Variants in MROH1 observed in about 807,000 individuals in gnomAD.
MROH1 encodes maestro heat like repeat family member 1, also known as maestro heat-like repeat-containing protein family member 1.
Under a neutral mutation model 116.5 loss-of-function variants are expected in MROH1, and 117 were observed. The observed-to-expected ratio is 1.00, with a 90% CI of 0.86 to 1.17. The LOEUF is 1.17. MROH1 is among the 50% of genes most tolerant of loss of function. MROH1 has a pLI of 0.00. For missense variants in MROH1, 1,873 were observed against 1,338.5 expected, an observed-to-expected ratio of 1.40 and a Z score of -6.23; for synonymous variants, 921 against 583.9, an observed-to-expected ratio of 1.58 and a Z score of -8.32.
In MROH1 at chr8:144,241,045, G is replaced by A. The variant is rs1484386774; in HGVS notation, c.1989G>A (p.Glu663=). The change falls in exon 21 of 44, where the codon GAG becomes GAA. Residue 663 remains glutamate, a synonymous_variant. Coordinates refer to ENST00000326134, the MANE Select transcript of MROH1 (RefSeq NM_032450.3). ...CCCTGGGTGCTGCTTCAAGTAAGGAGGTGGTGAGGAAGCACCTTCAAGAGC... is the reference window on the plus strand; with the variant it reads ...CCCTGGGTGCTGCTTCAAGTAAGGAAGTGGTGAGGAAGCACCTTCAAGAGC... The part of the protein sequence containing the change: ...GTTLGAASSK[E]VVRKHLQELL... The A allele has an allele frequency of 1.3e-6, 1 of 776,262 alleles. No individual in the cohort carries two copies. The highest frequency in any genetic ancestry group is 2.4e-6 in the Non-Finnish European group (1 of 416,086). 48.1% of individuals were successfully genotyped at this position (776,262 alleles called of 1,614,324 possible). A position where few individuals can be genotyped will look rare whatever the true frequency, so the allele number is the denominator to read the frequency against.
intron 14 of MROH1, among the ~76,000 whole-genome samples, chr8:144,231,864 C>T (rs1838953604): frequency 6.6e-6 from 1 of 152,192 alleles, no homozygotes; most frequent in Admixed American, 6.5e-5. Flanking sequence ...AGTGAAACAA[C>T]GTCACGCCCG....
chr8:144,207,058 T>TA (rs895016687), intron 12 of MROH1, among the ~76,000 whole-genome samples: 24 of 146,436 alleles, frequency 1.6e-4, no homozygotes, highest in South Asian at 2.2e-4. Flanking sequence ...AAAAGAAATT[T>TA]AAAAAAAAAA....
In MROH1 at chr8:144,200,211, G is replaced by A. The variant is rs185454125; in HGVS notation, c.1028-217G>A. Among the ~76,000 whole-genome samples, 9 of 152,284 alleles carry A rather than the reference G, an allele frequency of 5.9e-5. No individual in the cohort carries two copies. The East Asian group carries it at 1.4e-3, about 23-fold the overall frequency. On this transcript the variant is annotated intron_variant, in intron 11 of 43. Coordinates refer to ENST00000326134, the MANE Select transcript of MROH1 (RefSeq NM_032450.3). ...CCAAGATCTAAGTCCCGGCATGCTC[G>A]GGTGGTGCTGGCGCCGTGGGATAAG...
chr8:144,180,120 T>C lies in MROH1; in HGVS notation c.301-58T>C, dbSNP rs1825196666. Reference sequence around the variant, plus strand: ...GCGCTTGTCCAAGGCTGGCAGCGACTGAGGGCAGAATGTCTTGGTCTTGCC... The same window carrying C: ...GCGCTTGTCCAAGGCTGGCAGCGACCGAGGGCAGAATGTCTTGGTCTTGCC... On this transcript the variant is annotated intron_variant, in intron 5 of 43. Coordinates refer to ENST00000326134, the MANE Select transcript of MROH1 (RefSeq NM_032450.3). The surrounding 1 kb of genome is among the most constrained non-coding windows in gnomAD (Gnocchi z 7.4). 6.3e-7 allele frequency: 1 copy of C among 1,599,942 alleles called. No individual in the cohort carries two copies. The highest frequency in any genetic ancestry group is 1.7e-5 in the Admixed American group (1 of 59,380).
At chr8:144,238,538 C>A (rs1208643065) in intron 14 of MROH1, among the ~76,000 whole-genome samples, 1 of 152,228 alleles carries the variant, frequency 6.6e-6, no homozygotes, top group Non-Finnish European at 1.5e-5. Context: ...AGCAAATGCT[C>A]AAGGTTTTGT....
chr8:144,151,077 G>A (rs1209462764), intron 1 of MROH1, among the ~76,000 whole-genome samples: 7 of 151,650 alleles, frequency 4.6e-5, no homozygotes, highest in Non-Finnish European at 1.0e-4. Flanking sequence ...GTGAAACCCC[G>A]TCTCCACTAA....
At chr8:144,159,603 A>G (rs950149287) in intron 1 of MROH1, among the ~76,000 whole-genome samples, 3 of 152,160 alleles carry the variant, frequency 2.0e-5, no homozygotes, top group African/African-American at 4.8e-5. Context: ...TAGTGTTAAC[A>G]TATTTAATCT....
chr8:144,244,530 C>G lies in MROH1; in HGVS notation c.2757C>G (p.Ile919Met). ...QRNMTPQGLQIMIEHLSPWIK... is the reference protein window; with the variant it reads ...QRNMTPQGLQMMIEHLSPWIK... ...ACATGACCCCCCAAGGCCTGCAGAT[C>G]ATGATTGAGGTGTGCAGGGGGGAAC... The change falls in exon 28 of 44, where the codon ATC (isoleucine) becomes ATG (methionine). Residue 919 changes from isoleucine to methionine, a missense_variant. Coordinates refer to ENST00000326134, the MANE Select transcript of MROH1 (RefSeq NM_032450.3). The G allele has an allele frequency of 1.3e-6, 1 of 765,316 alleles. No individual in the cohort carries two copies. The highest frequency in any genetic ancestry group is 1.4e-5 in the South Asian group (1 of 71,710). 47.4% of individuals were successfully genotyped at this position (765,316 alleles called of 1,614,324 possible).
At chr8:144,223,376 TTAATAGAGACAGGG>T in intron 14 of MROH1, 146 bp downstream of exon 14, 9 of 1,096,868 alleles carry the variant, frequency 8.2e-6, no homozygotes, top group Non-Finnish European at 1.2e-5. Flanking sequence ...TGTCTTTTGT[TTAATAGAGACAGGG>T]TCTTGCTTCT....
intron 33 of MROH1, chr8:144,252,578 G>A (rs1843010030): frequency 6.6e-6 from 1 of 152,012 alleles, no homozygotes; most frequent in African/African-American, 2.4e-5. Context: ...TGAGGCAGGA[G>A]AATGGTGTGA....
chr8:144,241,903 G>A (rs886271134), intron 22 of MROH1, among the ~76,000 whole-genome samples: 1 of 152,204 alleles, frequency 6.6e-6, no homozygotes, highest in Non-Finnish European at 1.5e-5. Flanking sequence ...CCCCCAACCC[G>A]GCTGTGGTCC....
At chr8:144,166,540 G>A (rs558261988) in intron 3 of MROH1, among the ~76,000 whole-genome samples, 15 of 152,280 alleles carry the variant, frequency 9.9e-5, no homozygotes, top group African/African-American at 3.6e-4. Context: ...ACTTGTCCCT[G>A]CTCCCTAGAG....
At position 144,244,556 on chromosome 8, in the gene MROH1, TG is replaced by T. The variant is rs1293044111; in HGVS notation, c.2766+18del. The stretch of plus-strand genomic sequence containing the variant: ...ATGATTGAGGTGTGCAGGGGGGAAC[TG>T]TCATGGGGATGGGGATGGGGGCACA... On this transcript the variant is annotated intron_variant, in intron 28 of 43. Transcript: ENST00000326134. The T allele has an allele frequency of 1.2e-5, 9 of 742,076 alleles. 1 individual carries two copies. Among genetic ancestry groups the T allele is most frequent in the Non-Finnish European group, 2.0e-5 (8 of 398,294 alleles). The allele number at this position is 742,076 out of a possible 1,614,324, so 46.0% of individuals were successfully genotyped here. A position where few individuals can be genotyped will look rare whatever the true frequency, so the allele number is the denominator to read the frequency against.
intron 1 of MROH1, among the ~76,000 whole-genome samples, chr8:144,155,548 CTG>C (rs1817822368): frequency 2.0e-5 from 3 of 151,874 alleles, no homozygotes; most frequent in African/African-American, 4.8e-5. Context: ...TGACACAAAA[CTG>C]TGTATAAGTG....
At chr8:144,162,632 AGTGGTCC>A (rs1819827873) in intron 2 of MROH1, among the ~76,000 whole-genome samples, 1 of 146,666 alleles carries the variant, frequency 6.8e-6, no homozygotes. Flanking sequence ...CCTGGCCTCA[AGTGGTCC>A]ACCTGCCTCA....
In MROH1 at chr8:144,212,378, C is replaced by A. The variant is rs964274504; in HGVS notation, c.1142-8222C>A. On this transcript the variant is annotated intron_variant, in intron 12 of 43. Coordinates refer to ENST00000326134, the MANE Select transcript of MROH1 (RefSeq NM_032450.3). ...GGCATTACAGGTATGAGTCACTGCACCTAGCCAAGAAGTTACCTTTTAAGA... is the reference window on the plus strand; with the variant it reads ...GGCATTACAGGTATGAGTCACTGCAACTAGCCAAGAAGTTACCTTTTAAGA... Among the ~76,000 whole-genome samples the A allele has an allele frequency of 2.1e-4, 32 of 151,778 alleles. 1 individual carries two copies.
chr8:144,240,371 G>A (rs1194641601), intron 19 of MROH1, among the ~76,000 whole-genome samples, 199 bp from the exon 20 acceptor site: 1 of 152,188 alleles, frequency 6.6e-6, no homozygotes, highest in Non-Finnish European at 1.5e-5. Context: ...AGCCCCAAGC[G>A]TCGGGGGCAA....
chr8:144,216,179 C>CA (rs200027602), intron 12 of MROH1, among the ~76,000 whole-genome samples: 12,380 of 147,820 alleles, frequency 0.084, 570 homozygotes, highest in Non-Finnish European at 0.11. Context: ...AACCCTGTCT[C>CA]AAAAAAAACA....
At chr8:144,152,253 A>T (rs1369928244) in intron 1 of MROH1, among the ~76,000 whole-genome samples, 2 of 152,236 alleles carry the variant, frequency 1.3e-5, no homozygotes, top group African/African-American at 4.8e-5. Flanking sequence ...TTTTTGGACT[A>T]TGTTTGATTG....
Sources: allele counts gnomAD v4.1 joint callset (sites outside exome capture counted in the v4.1 genomes callset), GRCh38; gene constraint gnomAD v4.1.1; non-coding constraint Gnocchi (gnomAD v3.1); transcripts MANE v1.5; gene names NCBI Gene and HGNC (gene_info 2026-07-23, HGNC 2026-07-21).